The following AUTS2 variants were observed in gnomAD, a reference collection of about 807,000 sequenced individuals.
AUTS2 encodes autism susceptibility gene 2 protein.
In AUTS2, 17 loss-of-function variants were observed where a neutral mutation model predicts 112.4. The observed-to-expected ratio is 0.15, with a 90% CI of 0.10 to 0.23. The LOEUF (loss-of-function observed/expected upper bound fraction) is 0.23. Ranked by LOEUF, AUTS2 falls within the 10% of genes least tolerant of loss-of-function variation. The pLI, the probability that AUTS2 is intolerant of heterozygous loss-of-function variation, is 1.00. For synonymous variants in AUTS2, 751 were observed against 702.7 expected, an observed-to-expected ratio of 1.07 and a Z score of -1.09; for missense variants, 1,510 against 1,701.6, an observed-to-expected ratio of 0.89 and a Z score of 1.98.
intron 1 of AUTS2, among the ~76,000 whole-genome samples, chr7:69,860,992 A>G (rs773443575): frequency 1.3e-5 from 2 of 152,144 alleles, no homozygotes; most frequent in African/African-American, 4.8e-5. Context: ...CTGGGAATCG[A>G]CTCATTGAAA....
chr7:69,721,732 G>A (rs1212031856), intron 1 of AUTS2, among the ~76,000 whole-genome samples: 5 of 152,192 alleles, frequency 3.3e-5, no homozygotes, highest in Admixed American at 2.6e-4. Context: ...CACAGAACTG[G>A]ATCTTGAATG....
At chr7:69,956,515 CG>C (rs760880589) in intron 2 of AUTS2, among the ~76,000 whole-genome samples, 1 of 152,104 alleles carries the variant, frequency 6.6e-6, no homozygotes, top group African/African-American at 2.4e-5. Context: ...GAAATCTTTA[CG>C]GTGAGTTATG....
intron 1 of AUTS2, among the ~76,000 whole-genome samples, chr7:69,861,059 T>TA (rs973530718): frequency 9.5e-4 from 144 of 151,654 alleles, no homozygotes; most frequent in African/African-American, 3.4e-3. Context: ...GCAGCTTCCT[T>TA]AAAAAAAATA....
At chr7:69,638,263 T>C (rs939714705) in intron 1 of AUTS2, among the ~76,000 whole-genome samples, 1 of 152,218 alleles carries the variant, frequency 6.6e-6, no homozygotes, top group African/African-American at 2.4e-5. Context: ...TCAGTCCTCC[T>C]GCCTCAGCCT....
chr7:70,423,757 T>C (rs573327048), intron 4 of AUTS2, among the ~76,000 whole-genome samples: 1 of 152,324 alleles, frequency 6.6e-6, no homozygotes, highest in East Asian at 1.9e-4. Context: ...TTCTTGTTGC[T>C]CACTTCGTTG....
At chr7:69,900,865 T>C (rs1189599609) in intron 2 of AUTS2, among the ~76,000 whole-genome samples, 2 of 152,168 alleles carry the variant, frequency 1.3e-5, no homozygotes, top group Non-Finnish European at 1.5e-5. Flanking sequence ...TAATAGTAAT[T>C]ATTAACATTT....
chr7:70,529,966 CA>C (rs1267034335), intron 5 of AUTS2, among the ~76,000 whole-genome samples: 5 of 152,194 alleles, frequency 3.3e-5, no homozygotes, highest in Non-Finnish European at 7.3e-5. Context: ...CAGTAGCTTG[CA>C]GTTTCACTGT....
rs370439387 is a variant in AUTS2 at position 70,698,637 on chromosome 7, C to T, written c.742+17C>T. ...TAAACAAAGGTAAGACCCATTCATT[C>T]TCCTGAGTAATGGCTTATTTTTATG... On this transcript the variant is annotated intron_variant, in intron 6 of 18. Coordinates refer to ENST00000342771, the MANE Select transcript of AUTS2 (RefSeq NM_015570.4). 14 of 1,586,094 alleles carry T rather than the reference C, an allele frequency of 8.8e-6. No homozygotes were observed. The East Asian group carries it at 2.3e-4, about 26-fold the overall frequency.
chr7:70,690,551 TA>T (rs1206648471), intron 5 of AUTS2, among the ~76,000 whole-genome samples: 1 of 152,218 alleles, frequency 6.6e-6, no homozygotes, highest in Non-Finnish European at 1.5e-5. Context: ...TTTCTCTGTA[TA>T]AAACGCTTAA....
At chr7:70,077,871 G>GGACTT (rs1562668463) in intron 2 of AUTS2, among the ~76,000 whole-genome samples, 2 of 151,860 alleles carry the variant, frequency 1.3e-5, no homozygotes, top group Non-Finnish European at 2.9e-5. Flanking sequence ...TCCAGACCCT[G>GGACTT]GGATGTCTGG....
At position 70,207,430 on chromosome 7, in the gene AUTS2, G is replaced by C. The variant is rs145042137; in HGVS notation, c.660+72859G>C. Reference sequence around the variant, plus strand: ...TGGTAGGATTTGATTTGAAAAAAATGTATGAAGAATTAGAAGAAAAGAAAT... The same window carrying C: ...TGGTAGGATTTGATTTGAAAAAAATCTATGAAGAATTAGAAGAAAAGAAAT... On this transcript the variant is annotated intron_variant, in intron 4 of 18. Transcript: ENST00000342771. 2.9e-3 allele frequency among the ~76,000 whole-genome samples: 440 copies of C among 152,296 alleles called. 2 individuals carry two copies. The highest frequency in any genetic ancestry group is 9.8e-3 in the African/African-American group (409 of 41,560).
intron 1 of AUTS2, among the ~76,000 whole-genome samples, chr7:69,728,882 C>T (rs1407071003): frequency 1.3e-5 from 2 of 152,076 alleles, no homozygotes; most frequent in African/African-American, 4.8e-5. Flanking sequence ...TAGCCAGTGT[C>T]TACCTGCTAT....
intron 15 of AUTS2, chr7:70,784,113 C>G (rs1403091764): frequency 6.6e-6 from 1 of 152,154 alleles, no homozygotes; most frequent in East Asian, 1.9e-4. Context: ...CTGTCAGAGT[C>G]AGTTATAAGA....
At chr7:70,111,154 T>C (rs1447246115) in intron 2 of AUTS2, among the ~76,000 whole-genome samples, 1 of 152,046 alleles carries the variant, frequency 6.6e-6, no homozygotes, top group Non-Finnish European at 1.5e-5. Context: ...ACTGGGATTA[T>C]AGGCATGAGC....
At chr7:70,760,218 G>T (rs181390290) in intron 6 of AUTS2, among the ~76,000 whole-genome samples, 2 of 152,202 alleles carry the variant, frequency 1.3e-5, no homozygotes, top group Admixed American at 6.5e-5. Flanking sequence ...TGTTAGCCAG[G>T]ATGGTCTCGA....
At chr7:69,695,892 C>T (rs532505971) in intron 1 of AUTS2, among the ~76,000 whole-genome samples, 3 of 152,194 alleles carry the variant, frequency 2.0e-5, no homozygotes, top group Middle Eastern at 3.4e-3. Context: ...TTCTGTATTA[C>T]GGGAGAACAC....
intron 4 of AUTS2, among the ~76,000 whole-genome samples, chr7:70,351,224 T>C (rs1791743564): frequency 6.6e-6 from 1 of 152,118 alleles, no homozygotes; most frequent in Non-Finnish European, 1.5e-5. Context: ...CTAATTTTTG[T>C]ATTTTTTTTA....
At chr7:70,324,671 T>C (rs1395213823) in intron 4 of AUTS2, among the ~76,000 whole-genome samples, 1 of 152,166 alleles carries the variant, frequency 6.6e-6, no homozygotes, top group Non-Finnish European at 1.5e-5. Context: ...CCTGTATATA[T>C]TGTCTATGAA....
At chr7:69,974,164 T>C (rs1183248305) in intron 2 of AUTS2, among the ~76,000 whole-genome samples, 2 of 151,750 alleles carry the variant, frequency 1.3e-5, no homozygotes, top group African/African-American at 4.8e-5. Context: ...TGGTAGTTTT[T>C]CTTTGTAAGG....
Sources: gnomAD v4.1 joint callset for allele counts (sites outside exome capture counted in the v4.1 genomes callset) on GRCh38, gnomAD v4.1.1 for gene constraint, MANE v1.5 for transcripts, NCBI Gene and HGNC (gene_info 2026-07-23, HGNC 2026-07-21) for gene names.